TRIP13: variants seen among roughly 807,000 people sequenced by gnomAD.
The protein encoded by TRIP13 is thyroid hormone receptor interactor 13, also known as pachytene checkpoint protein 2 homolog.
TRIP13 carries 25 observed loss-of-function variants against 54.4 expected under a neutral mutation model. That is an observed-to-expected ratio of 0.46 (90% CI 0.33 to 0.64). TRIP13 has a LOEUF of 0.64. Among genes scored for constraint, TRIP13 ranks in the 30% least tolerant of loss-of-function variants. The pLI is 0.02. For synonymous variants in TRIP13, 207 were observed against 207.8 expected, an observed-to-expected ratio of 1.00 and a Z score of 0.03; for missense variants, 373 against 534.2, an observed-to-expected ratio of 0.70 and a Z score of 2.97.
rs1754216879 is a variant in TRIP13 at position 910,904 on chromosome 5, C to G, written c.867-939C>G. Among the ~76,000 whole-genome samples the G allele has an allele frequency of 2.0e-5, 3 of 152,230 alleles. No homozygotes were observed. In the South Asian group the frequency reaches 6.2e-4, roughly 32 times the overall value. ...GGCTCCCTGTCCTGCCTCTGCTTAG[C>G]TCACCCCGGCGCGCAGGCACAGGGC... On this transcript the variant is annotated intron_variant, in intron 9 of 12. Coordinates refer to ENST00000166345, the MANE Select transcript of TRIP13 (RefSeq NM_004237.4).
chr5:901,568 T>C (rs1753991381), intron 5 of TRIP13, 137 bp downstream of exon 5: 3 of 723,238 alleles, frequency 4.1e-6, no homozygotes, highest in East Asian at 2.8e-5. Flanking sequence ...GTCCCCTCTC[T>C]GTGAAGCAGA....
chr5:893,140 C>A, intron 1 of TRIP13, 50 bp downstream of exon 1: 1 of 1,501,822 alleles, frequency 6.7e-7, no homozygotes, highest in Non-Finnish European at 9.0e-7. Context: ...CCGCCCCGAC[C>A]CCAGCGCGTG....
Position 907,922 on chromosome 5 carries a change from G to C in TRIP13, c.673-66G>C, listed in dbSNP as rs1158336630. 12 of 1,547,376 alleles carry C rather than the reference G, an allele frequency of 7.8e-6. No individual in the cohort carries two copies. The Admixed American group carries it at 1.7e-4, about 22-fold the overall frequency. On this transcript the variant is annotated intron_variant, in intron 7 of 12. Coordinates refer to ENST00000166345, the MANE Select transcript of TRIP13 (RefSeq NM_004237.4). This position sits in a 1 kb window ranked among gnomAD's most constrained non-coding sequence, Gnocchi z 4.1. ...CAACTGGGGCAGCAGGCCACATCAG[G>C]GTCCCCCTGTGCACCTGGCAGTGTG...
chr5:907,327 G>A lies in TRIP13; in HGVS notation c.672+134G>A. On this transcript the variant is annotated intron_variant, in intron 7 of 12. Coordinates refer to ENST00000166345, the MANE Select transcript of TRIP13 (RefSeq NM_004237.4). This position sits in a 1 kb window ranked among gnomAD's most constrained non-coding sequence, Gnocchi z 4.1. ...GGGTGTGTGAGGATTGGGGCTGACTGTGATCAGAGAAGGTTCCGGAGCTGG... is the reference window on the plus strand; with the variant it reads ...GGGTGTGTGAGGATTGGGGCTGACTATGATCAGAGAAGGTTCCGGAGCTGG... The A allele has an allele frequency of 1.2e-6, 1 of 801,096 alleles. No homozygotes were observed. Among genetic ancestry groups the A allele is most frequent in the Non-Finnish European group, 2.0e-6 (1 of 494,946 alleles). The allele number at this position is 801,096 out of a possible 1,614,324, so 49.6% of individuals were successfully genotyped here.
intron 9 of TRIP13, among the ~76,000 whole-genome samples, chr5:910,787 G>T (rs1312899849): frequency 1.3e-5 from 2 of 152,168 alleles, no homozygotes; most frequent in Admixed American, 6.5e-5. Flanking sequence ...CCTCCCTCTG[G>T]CCCTTCCTGC....
chr5:907,583 G>A lies in TRIP13; in HGVS notation c.672+390G>A, dbSNP rs528648929. The stretch of plus-strand genomic sequence containing the variant: ...GCTGTGCCCAAGTCACCTGGCATCC[G>A]CACATCCCTCTGGTGAGGTGAGGTG... On this transcript the variant is annotated intron_variant, in intron 7 of 12. Coordinates refer to ENST00000166345, the MANE Select transcript of TRIP13 (RefSeq NM_004237.4). This position sits in a 1 kb window ranked among gnomAD's most constrained non-coding sequence, Gnocchi z 4.1. 5.9e-5 allele frequency among the ~76,000 whole-genome samples: 9 copies of A among 152,346 alleles called. No individual in the cohort carries two copies. Among genetic ancestry groups the A allele is most frequent in the East Asian group, 5.8e-4 (3 of 5,182 alleles).
intron 5 of TRIP13, 73 bp from the exon 6 acceptor site, chr5:904,075 G>A (rs533777310): frequency 2.2e-6 from 3 of 1,337,628 alleles, no homozygotes; most frequent in South Asian, 2.6e-5. Flanking sequence ...ATGGATAATG[G>A]AAGTTACTGT....
At position 907,973 on chromosome 5, in the gene TRIP13, G is replaced by C; in HGVS notation, c.673-15G>C. 4 of 1,614,118 alleles carry C rather than the reference G, an allele frequency of 2.5e-6. No homozygotes were observed. Among genetic ancestry groups the C allele is most frequent in the Non-Finnish European group, 3.4e-6 (4 of 1,179,932 alleles). On this transcript the variant is annotated splice_polypyrimidine_tract_variant and intron_variant, in intron 7 of 12. Transcript: ENST00000166345. This position sits in a 1 kb window ranked among gnomAD's most constrained non-coding sequence, Gnocchi z 4.1. ...GTCCCTGCACGTTGACACTAAAAGGGTGTTTGGGTTCCAGAGTGGCAAGCT... is the reference window on the plus strand; with the variant it reads ...GTCCCTGCACGTTGACACTAAAAGGCTGTTTGGGTTCCAGAGTGGCAAGCT...
Position 912,865 on chromosome 5 carries a change from G to T in TRIP13, c.1020+869G>T, listed in dbSNP as rs756452371. Among the ~76,000 whole-genome samples, 11 of 152,250 alleles carry T rather than the reference G, an allele frequency of 7.2e-5. No homozygotes were observed. The highest frequency in any genetic ancestry group is 1.3e-4 in the Non-Finnish European group (9 of 68,042). ...CCTGCAGGGGCCTTTGTTTAGGGTAGTTGGGCGGTAACCAAGCAAACCAGT... is the reference window on the plus strand; with the variant it reads ...CCTGCAGGGGCCTTTGTTTAGGGTATTTGGGCGGTAACCAAGCAAACCAGT... On this transcript the variant is annotated intron_variant, in intron 10 of 12. Transcript: ENST00000166345. The surrounding 1 kb of genome is among the most constrained non-coding windows in gnomAD (Gnocchi z 7.2).
At chr5:901,126 T>G (rs189342820) in intron 4 of TRIP13, among the ~76,000 whole-genome samples, 56 of 152,350 alleles carry the variant, frequency 3.7e-4, no homozygotes, top group African/African-American at 1.3e-3. Flanking sequence ...CTTCTTATAT[T>G]TATAATAGTA....
At chr5:910,556 A>C (rs1754209785) in intron 9 of TRIP13, among the ~76,000 whole-genome samples, 1 of 152,062 alleles carries the variant, frequency 6.6e-6, no homozygotes, top group Non-Finnish European at 1.5e-5. Flanking sequence ...TGCACCTGCC[A>C]CTCAAACCAG....
intron 3 of TRIP13, 100 bp from the exon 4 acceptor site, chr5:900,394 C>T: frequency 8.5e-7 from 1 of 1,169,912 alleles, no homozygotes; most frequent in East Asian, 2.4e-5. Context: ...CCTGGAGCAG[C>T]ACAATGGGAA....
intron 1 of TRIP13, chr5:893,865 C>T (rs1753791838): frequency 6.5e-6 from 1 of 152,998 alleles, no homozygotes; most frequent in Non-Finnish European, 1.5e-5. Flanking sequence ...CACAAAGCCC[C>T]ATCACAGCCT....
rs187538048 is a variant in TRIP13, at chr5:903,022, G to A, written c.536-1126G>A. ...GAACATGAAGGCGGACTAGGAGCAT[G>A]ACCACTGAAGCACAGCATCACAGGG... On this transcript the variant is annotated intron_variant, in intron 5 of 12. Coordinates refer to ENST00000166345, the MANE Select transcript of TRIP13 (RefSeq NM_004237.4). Among the ~76,000 whole-genome samples, 314 of 152,342 alleles carry A rather than the reference G, an allele frequency of 2.1e-3. 2 individuals are homozygous for A. The highest frequency in any genetic ancestry group is 7.2e-3 in the African/African-American group (301 of 41,570).
In TRIP13 at chr5:914,660, C is replaced by G. The variant is rs185537555; in HGVS notation, c.1133+83C>G. On this transcript the variant is annotated intron_variant, in intron 11 of 12. Transcript: ENST00000166345. ...GAGTCATTGTTTCCTTTGAGGAGAC[C>G]AGGGAGGGCCCTGGGTGTGAACTCT... 320 of 1,122,316 alleles carry G rather than the reference C, an allele frequency of 2.9e-4. 2 individuals carry two copies. In the East Asian group the frequency reaches 5.4e-3, roughly 19 times the overall value. 69.5% of individuals were successfully genotyped at this position (1,122,316 alleles called of 1,614,324 possible).
chr5:909,365 G>A (rs1754183203), intron 9 of TRIP13, among the ~76,000 whole-genome samples: 3 of 152,206 alleles, frequency 2.0e-5, no homozygotes. Context: ...TGTCCTCAGG[G>A]TGCCTGGGGA....
chr5:918,878 C>A (rs981426926), downstream of TRIP13: 2 of 152,168 alleles, frequency 1.3e-5, no homozygotes, highest in Non-Finnish European at 2.9e-5. The surrounding 1 kb of genome is among the most constrained non-coding windows in gnomAD (Gnocchi z 4.3). Flanking sequence ...GGTGCCCACC[C>A]AGGTTAAGGG....
chr5:896,667 C>A lies in TRIP13; in HGVS notation c.261C>A (p.Pro87=). The stretch of plus-strand genomic sequence containing the variant: ...TATTGGCTTTTCCCTCATTTTAGCC[C>A]ATCGATTTGAGTGCATGCACTGTTG... The part of the protein sequence containing the change: ...DTELKVKDSQ[P]IDLSACTVAL... Residue 87 remains proline, a splice_region_variant and synonymous_variant, in exon 3 of 13, where the codon CCC becomes CCA. Transcript: ENST00000166345. 1 of 1,604,588 alleles carries A rather than the reference C, an allele frequency of 6.2e-7. No individual in the cohort carries two copies. Among genetic ancestry groups the A allele is most frequent in the Non-Finnish European group, 8.5e-7 (1 of 1,173,600 alleles).
Position 894,901 on chromosome 5 carries a change from T to C in TRIP13, c.207T>C (p.Asn69=), listed in dbSNP as rs1010304438. 6.2e-7 allele frequency: 1 copy of C among 1,613,966 alleles called. No homozygotes were observed. The highest frequency in any genetic ancestry group is 8.5e-7 in the Non-Finnish European group (1 of 1,179,966). The part of the protein sequence containing the change: ...TEFDEPFLTR[N]VQSVSIIDTE... The stretch of plus-strand genomic sequence containing the variant: ...TTGATGAACCTTTTTTGACCAGAAA[T>C]GTGCAGTCTGTGTCTATTATTGACA... The change falls in exon 2 of 13, where the codon AAT becomes AAC. Residue 69 remains asparagine, a synonymous_variant. Coordinates refer to ENST00000166345, the MANE Select transcript of TRIP13 (RefSeq NM_004237.4).
Sources: gnomAD v4.1 joint callset for allele counts (sites outside exome capture counted in the v4.1 genomes callset) on GRCh38, gnomAD v4.1.1 for gene constraint, Gnocchi (gnomAD v3.1) non-coding constraint, MANE v1.5 for transcripts, NCBI Gene and HGNC (gene_info 2026-07-23, HGNC 2026-07-21) for gene names.